C6orf62: variants seen among roughly 807,000 people sequenced by gnomAD.
C6orf62 encodes the protein chromosome 6 open reading frame 62.
Under a neutral mutation model 26.8 loss-of-function variants are expected in C6orf62, and 16 were observed. The observed-to-expected ratio is 0.60, with a 90% CI of 0.40 to 0.91. The LOEUF (loss-of-function observed/expected upper bound fraction) is 0.91. C6orf62 is among the 40% of genes least tolerant of loss of function. C6orf62 has a pLI of 0.00. For missense variants in C6orf62, 192 were observed against 271.4 expected, an observed-to-expected ratio of 0.71 and a Z score of 2.06; for synonymous variants, 112 against 91.5, an observed-to-expected ratio of 1.22 and a Z score of -1.28.
chr6:24,717,544 A>T (rs1381599721), intron 1 of C6orf62, among the ~76,000 whole-genome samples: 1 of 152,208 alleles, frequency 6.6e-6, no homozygotes, highest in Non-Finnish European at 1.5e-5. Context: ...CTGTAATCCC[A>T]GCACTTTAAA....
upstream of C6orf62, chr6:24,720,137 G>A (rs960680224): frequency 1.0e-5 from 14 of 1,388,670 alleles, no homozygotes; most frequent in Non-Finnish European, 1.2e-5. Flanking sequence ...GAGGGGCAGG[G>A]GGTGGAATTG....
chr6:24,719,805 C>T (rs1779317473), upstream of C6orf62: 4 of 1,548,164 alleles, frequency 2.6e-6, no homozygotes, highest in African/African-American at 1.4e-5. Flanking sequence ...GACCACCTGC[C>T]TTCCACCCCC....
chr6:24,718,868 A>C lies in C6orf62; in HGVS notation c.-200T>G. On this transcript the variant is annotated 5_prime_UTR_variant, in exon 1 of 5. Coordinates refer to ENST00000378119, the MANE Select transcript of C6orf62 (RefSeq NM_030939.5). Reference sequence around the variant, plus strand: ...GTCATATTACAGGGTCAAGAAACAAAAGCTGCTGTCCAGTCATGTTTGGAC... The same window carrying C: ...GTCATATTACAGGGTCAAGAAACAACAGCTGCTGTCCAGTCATGTTTGGAC... 1 of 1,409,562 alleles carries C rather than the reference A, an allele frequency of 7.1e-7. No homozygotes were observed. The highest frequency in any genetic ancestry group is 9.2e-7 in the Non-Finnish European group (1 of 1,089,490). 87.3% of individuals were successfully genotyped at this position (1,409,562 alleles called of 1,614,324 possible).
intron 3 of C6orf62, among the ~76,000 whole-genome samples, chr6:24,712,561 C>T (rs1236299011): frequency 2.6e-5 from 4 of 151,134 alleles, no homozygotes; most frequent in African/African-American, 7.3e-5. Context: ...CCCAGCTACT[C>T]GGGAGGCTAA....
At position 24,705,465 on chromosome 6, in the gene C6orf62, C is replaced by T. The variant is rs558220404; in HGVS notation, c.*672G>A. On this transcript the variant is annotated 3_prime_UTR_variant, in exon 5 of 5. Transcript: ENST00000378119. ...TTTAATGTGTATAACTGCATCCACACGCAGCAGAATACTCTTACAATAGCA... is the reference window on the plus strand; with the variant it reads ...TTTAATGTGTATAACTGCATCCACATGCAGCAGAATACTCTTACAATAGCA... 3.5e-4 allele frequency: 54 copies of T among 152,574 alleles called. No homozygotes were observed. The highest frequency in any genetic ancestry group is 1.3e-3 in the African/African-American group (52 of 41,468). The allele number at this position is 152,574 out of a possible 1,614,324, so 9.5% of individuals were successfully genotyped here.
chr6:24,719,626 C>T (rs1167952738), upstream of C6orf62: 2 of 1,432,176 alleles, frequency 1.4e-6, no homozygotes, highest in South Asian at 1.5e-5. Context: ...CTGATTAATG[C>T]CCGGGTTCCC....
At position 24,713,056 on chromosome 6, in the gene C6orf62, G is replaced by C. The variant is rs377154790; in HGVS notation, c.429+1262C>G. Among the ~76,000 whole-genome samples the C allele has an allele frequency of 6.0e-4, 91 of 152,232 alleles. No homozygotes were observed. In the South Asian group the frequency reaches 0.017, roughly 29 times the overall value. ...TCATCCATTAAATGACCGAAATACA[G>C]ATGCTCCACGACTTGTGATGTTACA... On this transcript the variant is annotated intron_variant, in intron 3 of 4. Transcript: ENST00000378119.
chr6:24,705,995 C>G lies in C6orf62; in HGVS notation c.*142G>C. 1 of 1,225,314 alleles carries G rather than the reference C, an allele frequency of 8.2e-7. No homozygotes were observed. Among genetic ancestry groups the G allele is most frequent in the Non-Finnish European group, 1.1e-6 (1 of 925,558 alleles). 75.9% of individuals were successfully genotyped at this position (1,225,314 alleles called of 1,614,324 possible). On this transcript the variant is annotated 3_prime_UTR_variant, in exon 5 of 5. Coordinates refer to ENST00000378119, the MANE Select transcript of C6orf62 (RefSeq NM_030939.5). ...GAGATAAAAATGATTTAAAAAAATC[C>G]AGGATGAACAAGTTTCAAAATGCAT...
intron 3 of C6orf62, 60 bp from the exon 4 acceptor site, chr6:24,708,971 T>A: frequency 6.2e-7 from 1 of 1,607,470 alleles, no homozygotes; most frequent in Non-Finnish European, 8.5e-7. Context: ...CCTATCTGCA[T>A]CTATATGCTA....
chr6:24,715,945 C>G (rs988874528), intron 2 of C6orf62, among the ~76,000 whole-genome samples: 1 of 150,880 alleles, frequency 6.6e-6, no homozygotes, highest in Non-Finnish European at 1.5e-5. Context: ...AATGGTCTGG[C>G]GTAAAAAAAC....
chr6:24,708,944 A>G, intron 3 of C6orf62, 33 bp from the exon 4 acceptor site: 1 of 1,613,230 alleles, frequency 6.2e-7, no homozygotes, highest in Non-Finnish European at 8.5e-7. Context: ...ATATTAAACT[A>G]CAAACAAGTT....
Position 24,705,531 on chromosome 6 carries a change from C to T in C6orf62, c.*606G>A, listed in dbSNP as rs1369547862. 1 of 152,460 alleles carries T rather than the reference C, an allele frequency of 6.6e-6. No homozygotes were observed. Among genetic ancestry groups the T allele is most frequent in the Non-Finnish European group, 1.5e-5 (1 of 68,022 alleles). 9.4% of individuals were successfully genotyped at this position (152,460 alleles called of 1,614,324 possible). On this transcript the variant is annotated 3_prime_UTR_variant, in exon 5 of 5. Coordinates refer to ENST00000378119, the MANE Select transcript of C6orf62 (RefSeq NM_030939.5). ...TCTGGAAAAAAAAAATACATGAGTA[C>T]CAGGAAACAAACATGGCCCAGTAAA...
At chr6:24,720,387 G>A (rs567977052), upstream of C6orf62, 6 of 1,177,928 alleles carry the variant, frequency 5.1e-6, no homozygotes, top group African/African-American at 4.7e-5. Flanking sequence ...AGTGCGCACC[G>A]TGACTGGACC....
At position 24,716,295 on chromosome 6, in the gene C6orf62, A is replaced by G. The variant is rs1184277830; in HGVS notation, c.159T>C (p.Ser53=). ...KKKKSALFEV[S]EVIPVMTNNY... is the part of the protein sequence containing the mutation. ...TATTTGTCATGACTGGTATAACCTC[A>G]GACACTTCAAAAAGTGCTGACTTTT... The change falls in exon 2 of 5, where the codon TCT becomes TCC. Residue 53 remains serine, a synonymous_variant. Transcript: ENST00000378119. 1.2e-6 allele frequency: 2 copies of G among 1,613,972 alleles called. No homozygotes were observed. Among genetic ancestry groups the G allele is most frequent in the Non-Finnish European group, 1.7e-6 (2 of 1,179,854 alleles).
chr6:24,714,486 C>G (rs777503790), intron 2 of C6orf62, 46 bp from the exon 3 acceptor site: 1 of 1,432,480 alleles, frequency 7.0e-7, no homozygotes, highest in East Asian at 2.3e-5. Context: ...AAAGAAACAG[C>G]TACATCAAGC....
chr6:24,719,761 G>A (rs987558694), upstream of C6orf62: 4 of 1,543,320 alleles, frequency 2.6e-6, no homozygotes, highest in Admixed American at 2.0e-5. Context: ...CAAAGGTGGC[G>A]GGTTCTTCTC....
intron 1 of C6orf62, among the ~76,000 whole-genome samples, chr6:24,717,234 T>G (rs897937080): frequency 6.6e-6 from 1 of 152,238 alleles, no homozygotes; most frequent in Non-Finnish European, 1.5e-5. Flanking sequence ...TGGTGCAATT[T>G]GGGGCAATAT....
upstream of C6orf62, chr6:24,720,099 T>C: frequency 1.4e-6 from 2 of 1,421,160 alleles, no homozygotes; most frequent in Non-Finnish European, 9.2e-7. Context: ...GTTTGGATTG[T>C]TTAGGGTGGG....
chr6:24,720,563 C>G (rs2127637928), upstream of C6orf62: 1 of 214,938 alleles, frequency 4.7e-6, no homozygotes, highest in Non-Finnish European at 8.1e-6. Context: ...GTACTGGCGG[C>G]GGAGGGGGAA....
Sources: allele counts gnomAD v4.1 joint callset (sites outside exome capture counted in the v4.1 genomes callset), GRCh38; gene constraint gnomAD v4.1.1; transcripts MANE v1.5; gene names NCBI Gene and HGNC (gene_info 2026-07-23, HGNC 2026-07-21).